Variants in ZZEF1 observed in about 807,000 individuals in gnomAD.
The protein encoded by ZZEF1 is zinc finger ZZ-type and EF-hand domain-containing protein 1.
ZZEF1 carries 157 observed loss-of-function variants against 342.8 expected under a neutral mutation model. That is an observed-to-expected ratio of 0.46 (90% CI 0.40 to 0.52). The LOEUF is 0.52. Among genes scored for constraint, ZZEF1 ranks in the 20% least tolerant of loss-of-function variants. ZZEF1 has a pLI of 0.00. For missense variants in ZZEF1, 3,480 were observed against 3,725.6 expected, an observed-to-expected ratio of 0.93 and a Z score of 1.72; for synonymous variants, 1,505 against 1,429.1, an observed-to-expected ratio of 1.05 and a Z score of -1.20.
At chr17:4,048,932 C>A (rs546421048) in intron 37 of ZZEF1, among the ~76,000 whole-genome samples, 13 of 147,762 alleles carry the variant, frequency 8.8e-5, no homozygotes, top group African/African-American at 2.0e-4. Context: ...GTTGGCCAGG[C>A]TGGTCTTGAA....
intron 1 of ZZEF1, among the ~76,000 whole-genome samples, chr17:4,138,038 T>C (rs1453849390): frequency 6.6e-6 from 1 of 152,050 alleles, no homozygotes; most frequent in African/African-American, 2.4e-5. Flanking sequence ...AAAGCAGGCA[T>C]CCCACTAGCT....
chr17:4,088,585 A>G, intron 13 of ZZEF1, 93 bp downstream of exon 13: 1 of 1,378,596 alleles, frequency 7.3e-7, no homozygotes, highest in Non-Finnish European at 1.0e-6. Flanking sequence ...TGGCTTCCGC[A>G]GGGGCAGGTT....
intron 36 of ZZEF1, among the ~76,000 whole-genome samples, chr17:4,050,437 G>A (rs2057020514): frequency 6.6e-6 from 1 of 152,200 alleles, no homozygotes. Flanking sequence ...TTGTGTGGAA[G>A]CAGATTTACA....
intron 5 of ZZEF1, among the ~76,000 whole-genome samples, chr17:4,111,758 G>A (rs1259255054): frequency 1.8e-5 from 2 of 112,960 alleles, no homozygotes; most frequent in Non-Finnish European, 3.7e-5. Flanking sequence ...TTATATATAT[G>A]TTTATATATA....
At chr17:4,112,395 C>T (rs537369685) in intron 5 of ZZEF1, among the ~76,000 whole-genome samples, 56 of 152,202 alleles carry the variant, frequency 3.7e-4, no homozygotes, top group Non-Finnish European at 4.4e-5. Flanking sequence ...ATTCACCTGC[C>T]TTGGCCTCCC....
intron 37 of ZZEF1, 144 bp downstream of exon 37, chr17:4,049,564 C>T (rs369935736): frequency 6.6e-6 from 6 of 914,156 alleles, no homozygotes; most frequent in Non-Finnish European, 1.6e-6. Flanking sequence ...AACAACATGC[C>T]CAAGGTTTGA....
At chr17:4,071,180 G>A (rs962816639) in intron 25 of ZZEF1, among the ~76,000 whole-genome samples, 1 of 152,238 alleles carries the variant, frequency 6.6e-6, no homozygotes, top group Non-Finnish European at 1.5e-5. Context: ...GGGATACCCA[G>A]TGCTGAGAAT....
intron 2 of ZZEF1, 112 bp downstream of exon 2, chr17:4,123,795 T>C: frequency 8.2e-7 from 1 of 1,220,226 alleles, no homozygotes; most frequent in South Asian, 1.7e-5. Context: ...GGGAGCCTAA[T>C]GAACACTGTT....
intron 37 of ZZEF1, among the ~76,000 whole-genome samples, chr17:4,046,854 AC>A (rs775417817): frequency 6.6e-6 from 1 of 152,182 alleles, no homozygotes; most frequent in Non-Finnish European, 1.5e-5. Context: ...GTTGTTGAAA[AC>A]AAAAAGTATC....
Position 4,104,679 on chromosome 17 carries a change from G to A in ZZEF1, c.1527C>T (p.Leu509=). The A allele has an allele frequency of 1.9e-6, 3 of 1,614,158 alleles. No individual in the cohort carries two copies. The highest frequency in any genetic ancestry group is 2.5e-6 in the Non-Finnish European group (3 of 1,180,008). ...GTCTGACTGACGCCATGGACAAGAT[G>A]AGGGATGAGGCATCATACTGCGTGT... ...HLDTQYDASS[L]ILSMASVRQN... Residue 509 remains leucine (L), a synonymous_variant, in exon 8 of 55, where the codon CTC becomes CTT. Transcript: ENST00000381638.
chr17:4,038,617 C>T (rs914086297), intron 39 of ZZEF1, among the ~76,000 whole-genome samples: 1 of 152,048 alleles, frequency 6.6e-6, no homozygotes, highest in Non-Finnish European at 1.5e-5. Flanking sequence ...CCAGCCTGGC[C>T]AACATGGTGA....
chr17:4,084,296 AT>A (rs35440452), intron 16 of ZZEF1, among the ~76,000 whole-genome samples: 28,425 of 148,652 alleles, frequency 0.19, 2,725 homozygotes, highest in African/African-American at 0.22. Flanking sequence ...GCATTTAGTG[AT>A]TTTTTTTTTT....
rs1380627562 is a variant in ZZEF1, at chr17:4,014,771, G to A, written c.8146-256C>T. Among the ~76,000 whole-genome samples the A allele has an allele frequency of 6.6e-6, 1 of 152,200 alleles. No individual in the cohort carries two copies. The highest frequency in any genetic ancestry group is 1.5e-5 in the Non-Finnish European group (1 of 68,036). On this transcript the variant is annotated intron_variant, in intron 49 of 54. Transcript: ENST00000381638. The surrounding 1 kb of genome is among the most constrained non-coding windows in gnomAD (Gnocchi z 4.4). ...GTCAGGCTGCTGTGAAGAGTGAAGA[G>A]GACAGGAGGACCCTGTTAGGAGAAG... is the stretch of plus-strand genomic sequence containing the variant.
At chr17:4,018,309 C>A (rs1438660513) in intron 46 of ZZEF1, among the ~76,000 whole-genome samples, 1 of 151,916 alleles carries the variant, frequency 6.6e-6, no homozygotes, top group Non-Finnish European at 1.5e-5. Context: ...CGTGTTGGAG[C>A]TATGTTGCCC....
intron 15 of ZZEF1, among the ~76,000 whole-genome samples, 169 bp from the exon 16 acceptor site, chr17:4,085,972 T>C (rs541166315): frequency 6.6e-6 from 1 of 152,378 alleles, no homozygotes; most frequent in African/African-American, 2.4e-5. Context: ...TTATTTGCTT[T>C]CATTTAACTA....
At chr17:4,048,930 G>T (rs996252898) in intron 37 of ZZEF1, among the ~76,000 whole-genome samples, 1 of 147,734 alleles carries the variant, frequency 6.8e-6, no homozygotes, top group Non-Finnish European at 1.5e-5. Flanking sequence ...CTGTTGGCCA[G>T]GCTGGTCTTG....
chr17:4,129,296 C>A (rs150278405), intron 1 of ZZEF1, among the ~76,000 whole-genome samples: 1 of 152,078 alleles, frequency 6.6e-6, no homozygotes, highest in Non-Finnish European at 1.5e-5. Context: ...TAAATTAGTT[C>A]GATCACTGTG....
chr17:4,083,190 T>C (rs1305486492), intron 16 of ZZEF1, among the ~76,000 whole-genome samples: 1 of 152,236 alleles, frequency 6.6e-6, no homozygotes, highest in East Asian at 1.9e-4. Context: ...CGCTCAGCAC[T>C]ATACAGAAGG....
chr17:4,103,511 C>T (rs1049040541), intron 8 of ZZEF1, among the ~76,000 whole-genome samples: 1 of 152,058 alleles, frequency 6.6e-6, no homozygotes, highest in Non-Finnish European at 1.5e-5. Context: ...TATGCCAGTG[C>T]ACTCCAACCT....
Sources: gnomAD v4.1 joint callset for allele counts (sites outside exome capture counted in the v4.1 genomes callset) on GRCh38, gnomAD v4.1.1 for gene constraint, Gnocchi (gnomAD v3.1) non-coding constraint, MANE v1.5 for transcripts, NCBI Gene and HGNC (gene_info 2026-07-23, HGNC 2026-07-21) for gene names.